ALG12: variants seen among roughly 807,000 people sequenced by gnomAD.
ALG12 encodes the protein ALG12 alpha-1,6-mannosyltransferase.
Under a neutral mutation model 46.0 loss-of-function variants are expected in ALG12, and 36 were observed. The observed-to-expected ratio is 0.78, with a 90% CI of 0.60 to 1.03. The LOEUF (loss-of-function observed/expected upper bound fraction) is 1.03, where lower values mean the gene tolerates loss of function less well. Ranked by LOEUF, ALG12 falls within the 50% of genes least tolerant of loss-of-function variation. The probability of loss-of-function intolerance (pLI) is 0.00; values close to 1 mark genes in which losing one functional copy is unlikely to be tolerated. For missense variants in ALG12, 599 were observed against 633.5 expected, an observed-to-expected ratio of 0.95 and a Z score of 0.58; for synonymous variants, 326 against 291.6, an observed-to-expected ratio of 1.12 and a Z score of -1.20.
the ALG12 span, chr22:49,886,287 G>A: frequency 6.9e-7 from 1 of 1,442,600 alleles, no homozygotes; most frequent in Non-Finnish European, 9.5e-7. This position sits in a 1 kb window ranked among gnomAD's most constrained non-coding sequence, Gnocchi z 7.7. Context: ...AGCTGCAGAG[G>A]GAGTACGCGC....
In ALG12 at chr22:49,904,525, C is replaced by T. The variant is rs185216992; in HGVS notation, c.993-19G>A. The T allele has an allele frequency of 8.0e-5, 129 of 1,613,966 alleles. No homozygotes were observed. In the East Asian group the frequency reaches 2.5e-3, roughly 31 times the overall value. ...ATTCAGCCTGAAAAAAGAATGGTTACACATCATAGGCAGAACGTAATGACA... is the reference window on the plus strand; with the variant it reads ...ATTCAGCCTGAAAAAAGAATGGTTATACATCATAGGCAGAACGTAATGACA... On this transcript the variant is annotated intron_variant, in intron 7 of 9. Transcript: ENST00000330817.
downstream of ALG12, among the ~76,000 whole-genome samples, chr22:49,896,468 G>A (rs1435775686): frequency 6.6e-6 from 1 of 152,208 alleles, no homozygotes; most frequent in Non-Finnish European, 1.5e-5. Context: ...GGCCATGTGA[G>A]CCCTTATGCA....
At chr22:49,883,573 G>A in the ALG12 span, 1 of 1,429,508 alleles carries the variant, frequency 7.0e-7, no homozygotes, top group Non-Finnish European at 9.2e-7. Flanking sequence ...TGACGAAAAA[G>A]TGAAGATAAT....
At chr22:49,898,929 T>C (rs1198335890), downstream of ALG12, among the ~76,000 whole-genome samples, 1 of 151,622 alleles carries the variant, frequency 6.6e-6, no homozygotes. Context: ...TTTCAACAAA[T>C]GGGGCTAGAA....
rs560062094 is a variant in ALG12, at chr22:49,912,416, G to A, written c.295+969C>T. On this transcript the variant is annotated intron_variant, in intron 3 of 9. Coordinates refer to ENST00000330817, the MANE Select transcript of ALG12 (RefSeq NM_024105.4). Reference sequence around the variant, plus strand: ...TCCAAGGGAATGTGGACTCAGCCCCGGAATTGCCTGTGGACTTCCTTTCCC... The same window carrying A: ...TCCAAGGGAATGTGGACTCAGCCCCAGAATTGCCTGTGGACTTCCTTTCCC... 1.1e-4 allele frequency among the ~76,000 whole-genome samples: 17 copies of A among 152,278 alleles called. No homozygotes were observed. In the South Asian group the frequency reaches 2.5e-3, roughly 22 times the overall value.
Position 49,901,505 on chromosome 22 carries a change from A to T in ALG12, c.*2333T>A, listed in dbSNP as rs933958913. 1.4e-5 allele frequency: 2 copies of T among 142,656 alleles called. No homozygotes were observed. Among genetic ancestry groups the T allele is most frequent in the Non-Finnish European group, 3.1e-5 (2 of 65,176 alleles). The allele number at this position is 142,656 out of a possible 1,614,324, so 8.8% of individuals were successfully genotyped here. On this transcript the variant is annotated 3_prime_UTR_variant, in exon 10 of 10. Transcript: ENST00000330817. ...TGTGCACGTGTGCATTGTGTGCATG[A>T]TTGCATTGTGTGGTGTGTATGCATG...
At chr22:49,882,568 C>T in the ALG12 span, among the ~76,000 whole-genome samples, 5 of 152,216 alleles carry the variant, frequency 3.3e-5, no homozygotes, top group South Asian at 2.1e-4. Context: ...CATCGTCCTC[C>T]GAGCTTCGGC....
rs1366804499 is a variant in ALG12, at chr22:49,905,376, G to A, written c.993-870C>T. On this transcript the variant is annotated intron_variant, in intron 7 of 9. Transcript: ENST00000330817. This position sits in a 1 kb window ranked among gnomAD's most constrained non-coding sequence, Gnocchi z 4.9. The stretch of plus-strand genomic sequence containing the variant: ...CTCCACAGGCCCTGCCCTTTGCTAT[G>A]GTTTGGATCTGCGTCCCCACCAAAT... 1.3e-5 allele frequency among the ~76,000 whole-genome samples: 2 copies of A among 152,194 alleles called. No homozygotes were observed. The highest frequency in any genetic ancestry group is 2.9e-5 in the Non-Finnish European group (2 of 68,050).
the ALG12 span, among the ~76,000 whole-genome samples, chr22:49,874,672 CTTTTTTTTTTT>C: frequency 2.7e-4 from 10 of 37,316 alleles, no homozygotes; most frequent in East Asian, 1.0e-3. Context: ...CATGCCCAGC[CTTTTTTTTTTT>C]TTTTTTTTTT....
downstream of ALG12, among the ~76,000 whole-genome samples, chr22:49,895,667 A>T (rs1281927357): frequency 6.6e-6 from 1 of 152,100 alleles, no homozygotes; most frequent in Non-Finnish European, 1.5e-5. Flanking sequence ...TAAAAAAAAA[A>T]AAAAAGTGGT....
chr22:49,864,950 C>CCCCGG, the ALG12 span, among the ~76,000 whole-genome samples: 1 of 74,736 alleles, frequency 1.3e-5, no homozygotes, highest in African/African-American at 1.7e-4. Context: ...CCCCCCCCCC[C>CCCCGG]CCGTGAAGTC....
rs201508940 is a variant in ALG12, at chr22:49,907,844, G to A, written c.869C>T (p.Ala290Val). ...GAAGCCCAGTGCCAGCACCGTCGGC[G>A]CGTGCGTCCTTCTGTCTACCAAGCC... ...PLGLVDRRTH[A>V]PTVLALGFMA... is the part of the protein sequence containing the mutation. The change falls in exon 7 of 10, where the codon GCG (alanine) becomes GTG (valine). Residue 290 changes from alanine (A) to valine (V), a missense_variant. Physicochemically the swap from Ala to Val is moderately conservative, Grantham distance 64. Coordinates refer to ENST00000330817, the MANE Select transcript of ALG12 (RefSeq NM_024105.4). 133 of 1,614,032 alleles carry A rather than the reference G, an allele frequency of 8.2e-5. 1 individual carries two copies. In the Middle Eastern group the frequency reaches 8.4e-3, roughly 102 times the overall value.
At chr22:49,915,997 T>G (rs1454045600) in intron 1 of ALG12, among the ~76,000 whole-genome samples, 2 of 152,198 alleles carry the variant, frequency 1.3e-5, no homozygotes, top group Non-Finnish European at 2.9e-5. Flanking sequence ...CGGTGGCTCA[T>G]TCCTGTAATC....
At position 49,902,210 on chromosome 22, in the gene ALG12, ACT is replaced by A. The variant is rs1491462349; in HGVS notation, c.*1626_*1627del. 1 of 117,842 alleles carries A rather than the reference ACT, an allele frequency of 8.5e-6. No homozygotes were observed. The highest frequency in any genetic ancestry group is 1.7e-5 in the Non-Finnish European group (1 of 58,380). 7.3% of individuals were successfully genotyped at this position (117,842 alleles called of 1,614,324 possible). ...GTATGCATGGTGTGTGCACATGTGCACTGTGTGGTGTGTATGCATGGTGTGTG... is the reference window on the plus strand; with the variant it reads ...GTATGCATGGTGTGTGCACATGTGCAGTGTGGTGTGTATGCATGGTGTGTG... On this transcript the variant is annotated 3_prime_UTR_variant, in exon 10 of 10. Coordinates refer to ENST00000330817, the MANE Select transcript of ALG12 (RefSeq NM_024105.4).
chr22:49,873,302 C>T, the ALG12 span, among the ~76,000 whole-genome samples: 2 of 152,160 alleles, frequency 1.3e-5, no homozygotes, highest in African/African-American at 2.4e-5. Flanking sequence ...GAGGATTAAT[C>T]GGCCTAATTC....
At chr22:49,890,813 G>A in the ALG12 span, among the ~76,000 whole-genome samples, 3 of 152,110 alleles carry the variant, frequency 2.0e-5, no homozygotes, top group African/African-American at 4.8e-5. Flanking sequence ...TCAGGAAATC[G>A]AGACCATCCT....
At chr22:49,899,258 CTCAG>C (rs944711540), downstream of ALG12, among the ~76,000 whole-genome samples, 3 of 152,078 alleles carry the variant, frequency 2.0e-5, no homozygotes, top group Non-Finnish European at 2.9e-5. Context: ...GAGTGGATCA[CTCAG>C]TCAGGAGTTC....
rs1194566174 is a variant in ALG12 at position 49,903,569 on chromosome 22, C to T, written c.*269G>A. On this transcript the variant is annotated 3_prime_UTR_variant, in exon 10 of 10. Coordinates refer to ENST00000330817, the MANE Select transcript of ALG12 (RefSeq NM_024105.4). ...GCACCTGGTCTGGGCGACAGTCACC[C>T]GCAGGAAGCCCTGAGCTGGCCACCA... 7 of 645,430 alleles carry T rather than the reference C, an allele frequency of 1.1e-5. No homozygotes were observed. Among genetic ancestry groups the T allele is most frequent in the South Asian group, 6.0e-5 (4 of 66,196 alleles). 40.0% of individuals were successfully genotyped at this position (645,430 alleles called of 1,614,324 possible).
the ALG12 span, among the ~76,000 whole-genome samples, chr22:49,870,483 ATC>A: frequency 6.6e-6 from 1 of 152,010 alleles, no homozygotes; most frequent in African/African-American, 2.4e-5. Flanking sequence ...CCTCTCCAGC[ATC>A]TGTTATTTTT....
Sources: gnomAD v4.1 joint callset for allele counts (sites outside exome capture counted in the v4.1 genomes callset) on GRCh38, gnomAD v4.1.1 for gene constraint, Gnocchi (gnomAD v3.1) non-coding constraint, MANE v1.5 for transcripts, NCBI Gene and HGNC (gene_info 2026-07-23, HGNC 2026-07-21) for gene names.